Variants in HDAC4 observed in about 807,000 individuals in gnomAD.
The protein encoded by HDAC4 is histone deacetylase A.
A neutral mutation model predicts 135.1 loss-of-function variants in HDAC4; 16 were observed. That is an observed-to-expected ratio of 0.12 (90% confidence interval 0.08 to 0.18). HDAC4 has a LOEUF of 0.18. Among genes scored for constraint, HDAC4 ranks in the 10% least tolerant of loss-of-function variants. The pLI, the probability that HDAC4 is intolerant of heterozygous loss-of-function variation, is 1.00. For synonymous variants in HDAC4, 685 were observed against 653.4 expected, an observed-to-expected ratio of 1.05 and a Z score of -0.74; for missense variants, 1,143 against 1,511.8, an observed-to-expected ratio of 0.76 and a Z score of 4.05.
chr2:239,183,222 T>C (rs955742684), intron 4 of HDAC4, among the ~76,000 whole-genome samples: 5 of 152,254 alleles, frequency 3.3e-5, no homozygotes, highest in Non-Finnish European at 7.3e-5. Context: ...GAACCAAATA[T>C]AGGAGCCCCA....
At chr2:239,354,562 ATTTTTTTT>A (rs566361037) in intron 1 of HDAC4, among the ~76,000 whole-genome samples, 114 of 76,594 alleles carry the variant, frequency 1.5e-3, no homozygotes, top group African/African-American at 3.4e-3. Flanking sequence ...TAGTCTAGAA[ATTTTTTTT>A]TTTTTTTTTT....
intron 13 of HDAC4, among the ~76,000 whole-genome samples, chr2:239,113,536 C>G (rs970372804): frequency 3.3e-5 from 5 of 152,234 alleles, no homozygotes; most frequent in African/African-American, 1.2e-4. Flanking sequence ...GCCTATTACT[C>G]TCCAGAGAGA....
At chr2:239,162,142 T>C (rs781296107) in intron 6 of HDAC4, 3 of 456,750 alleles carry the variant, frequency 6.6e-6, no homozygotes, top group South Asian at 4.6e-5. Flanking sequence ...ACTGCTCTAG[T>C]CCTCCAACTC....
At chr2:239,389,480 C>A (rs1003337111) in intron 1 of HDAC4, among the ~76,000 whole-genome samples, 1 of 152,180 alleles carries the variant, frequency 6.6e-6, no homozygotes, top group Admixed American at 6.5e-5. Context: ...TCTTTAAGAG[C>A]TATAACACTC....
At chr2:239,135,559 A>G (rs2040895893) in intron 9 of HDAC4, among the ~76,000 whole-genome samples, 1 of 152,236 alleles carries the variant, frequency 6.6e-6, no homozygotes, top group African/African-American at 2.4e-5. Context: ...GTGAATCACA[A>G]ATCAGTTAGT....
At chr2:239,293,617 C>G (rs969675984) in intron 2 of HDAC4, among the ~76,000 whole-genome samples, 26 of 152,284 alleles carry the variant, frequency 1.7e-4, no homozygotes, top group South Asian at 2.1e-4. Context: ...ACACAGGGAT[C>G]CCCAGACCAA....
chr2:239,206,398 A>G (rs2046052011), intron 3 of HDAC4, among the ~76,000 whole-genome samples: 1 of 151,758 alleles, frequency 6.6e-6, no homozygotes, highest in Non-Finnish European at 1.5e-5. Context: ...ATACGTGCAC[A>G]CACACACACA....
At chr2:239,056,152 A>G (rs1177803288) in intron 24 of HDAC4, among the ~76,000 whole-genome samples, 2 of 152,240 alleles carry the variant, frequency 1.3e-5, no homozygotes, top group African/African-American at 2.4e-5. Flanking sequence ...TTGGAGGCAC[A>G]CATACCCACA....
At chr2:239,203,464 T>C (rs1235172662) in intron 3 of HDAC4, among the ~76,000 whole-genome samples, 1 of 152,126 alleles carries the variant, frequency 6.6e-6, no homozygotes, top group Non-Finnish European at 1.5e-5. Flanking sequence ...TTTCAGGATA[T>C]AAGAAAGAAA....
chr2:239,077,189 C>T (rs1423838072), intron 22 of HDAC4, among the ~76,000 whole-genome samples: 2 of 152,248 alleles, frequency 1.3e-5, no homozygotes, highest in African/African-American at 4.8e-5. Flanking sequence ...AGTCAGAGGC[C>T]CCGATAGAGC....
chr2:239,098,724 A>G (rs13392866), intron 16 of HDAC4, among the ~76,000 whole-genome samples: 11,568 of 152,294 alleles, frequency 0.076, 1,485 homozygotes, highest in African/African-American at 0.26. Context: ...AAAATCACAC[A>G]GTAGTGTTTA....
intron 2 of HDAC4, among the ~76,000 whole-genome samples, chr2:239,252,255 G>C (rs2048823431): frequency 1.3e-5 from 2 of 152,238 alleles, no homozygotes; most frequent in Admixed American, 1.3e-4. Context: ...TGAGCCAGCT[G>C]ATCAGTGTGG....
intron 2 of HDAC4, among the ~76,000 whole-genome samples, chr2:239,317,297 A>G (rs921497890): frequency 2.0e-5 from 3 of 151,964 alleles, no homozygotes; most frequent in African/African-American, 7.3e-5. Flanking sequence ...GTGAACTGCC[A>G]TGTGTGTGGG....
At chr2:239,320,255 G>A (rs1241694487) in intron 2 of HDAC4, among the ~76,000 whole-genome samples, 2 of 151,888 alleles carry the variant, frequency 1.3e-5, no homozygotes, top group South Asian at 2.1e-4. Flanking sequence ...GGTGGGAGGC[G>A]CCTGTAATCC....
At chr2:239,156,380 C>T (rs1030161085) in intron 7 of HDAC4, among the ~76,000 whole-genome samples, 3 of 152,152 alleles carry the variant, frequency 2.0e-5, no homozygotes, top group East Asian at 3.8e-4. Flanking sequence ...AACACACCAC[C>T]GAAAGAAAAC....
Position 239,052,839 on chromosome 2 carries a change from C to T in HDAC4, c.*258G>A. Reference sequence around the variant, plus strand: ...GGACCCGCCAGAGTGTGCTTGGCTTCCGCGTGTCCGTGTGTCTGCGCGTCG... The same window carrying T: ...GGACCCGCCAGAGTGTGCTTGGCTTTCGCGTGTCCGTGTGTCTGCGCGTCG... On this transcript the variant is annotated 3_prime_UTR_variant, in exon 27 of 27. Transcript: ENST00000543185. 1.8e-6 allele frequency: 1 copy of T among 543,954 alleles called. No individual in the cohort carries two copies. Among genetic ancestry groups the T allele is most frequent in the South Asian group, 2.2e-5 (1 of 45,246 alleles). 33.7% of individuals were successfully genotyped at this position (543,954 alleles called of 1,614,324 possible). A position where few individuals can be genotyped will look rare whatever the true frequency, so the allele number is the denominator to read the frequency against.
chr2:239,126,353 G>A, intron 12 of HDAC4, 103 bp downstream of exon 12: 1 of 1,586,594 alleles, frequency 6.3e-7, no homozygotes, highest in South Asian at 1.1e-5. Flanking sequence ...TCTGCCTCCT[G>A]GCCTCCCTTA....
chr2:239,279,868 C>A (rs916810820), intron 2 of HDAC4, among the ~76,000 whole-genome samples: 1 of 152,186 alleles, frequency 6.6e-6, no homozygotes, highest in African/African-American at 2.4e-5. Flanking sequence ...TCCCCAGGAC[C>A]CTTCCCTAAT....
intron 2 of HDAC4, among the ~76,000 whole-genome samples, chr2:239,237,149 T>A (rs986270819): frequency 6.6e-6 from 1 of 152,214 alleles, no homozygotes; most frequent in African/African-American, 2.4e-5. Flanking sequence ...CAAATAGGCA[T>A]GGAGGAGAAC....
Sources: allele counts gnomAD v4.1 joint callset (sites outside exome capture counted in the v4.1 genomes callset), GRCh38; gene constraint gnomAD v4.1.1; transcripts MANE v1.5; gene names NCBI Gene and HGNC (gene_info 2026-07-23, HGNC 2026-07-21).